The following MYLK variants were observed in gnomAD, a reference collection of about 807,000 sequenced individuals.
MYLK encodes myosin light chain kinase, smooth muscle.
MYLK carries 106 observed loss-of-function variants against 203.4 expected under a neutral mutation model. The observed-to-expected ratio is 0.52, with a 90% CI of 0.45 to 0.61. The LOEUF (loss-of-function observed/expected upper bound fraction) is 0.61, where lower values mean the gene tolerates loss of function less well. Among genes scored for constraint, MYLK ranks in the 20% least tolerant of loss-of-function variants. The pLI is 0.00. For synonymous variants in MYLK, 867 were observed against 959.5 expected, an observed-to-expected ratio of 0.90 and a Z score of 1.78; for missense variants, 2,072 against 2,442.3, an observed-to-expected ratio of 0.85 and a Z score of 3.20.
chr3:123,646,806 C>T (rs1330808349), intron 27 of MYLK, among the ~76,000 whole-genome samples: 1 of 152,206 alleles, frequency 6.6e-6, no homozygotes, highest in African/African-American at 2.4e-5. Flanking sequence ...AAGCCCCCAG[C>T]CAGGGGCCCC....
At chr3:123,729,308 T>C (rs1560140602) in intron 11 of MYLK, among the ~76,000 whole-genome samples, 1 of 152,168 alleles carries the variant, frequency 6.6e-6, no homozygotes, top group Non-Finnish European at 1.5e-5. Context: ...ATCAATTAGG[T>C]GATCACTAAA....
intron 20 of MYLK, among the ~76,000 whole-genome samples, chr3:123,669,919 C>T (rs2059858105): frequency 6.6e-6 from 1 of 150,986 alleles, no homozygotes; most frequent in African/African-American, 2.4e-5. Context: ...CCTGTAATCC[C>T]AGCTACTCAG....
rs145624491 is a variant in MYLK at position 123,779,656 on chromosome 3, G to A, written c.165+14021C>T. On this transcript the variant is annotated intron_variant, in intron 4 of 33. Coordinates refer to ENST00000360304, the MANE Select transcript of MYLK (RefSeq NM_053025.4). ...TAGAGGAGTTGCTCAGGGACTCAGC[G>A]TGCCACCACATGAGAGAAGAACAAG... 1.0e-3 allele frequency among the ~76,000 whole-genome samples: 157 copies of A among 152,304 alleles called. 1 individual carries two copies. Among genetic ancestry groups the A allele is most frequent in the African/African-American group, 3.6e-3 (150 of 41,546 alleles).
intron 3 of MYLK, among the ~76,000 whole-genome samples, chr3:123,794,197 A>G (rs1412738519): frequency 6.6e-6 from 1 of 152,234 alleles, no homozygotes; most frequent in Non-Finnish European, 1.5e-5. Context: ...AGATATCTAT[A>G]ATCTGTATTT....
chr3:123,770,008 T>C (rs748926598), intron 4 of MYLK, among the ~76,000 whole-genome samples: 1 of 152,134 alleles, frequency 6.6e-6, no homozygotes, highest in Non-Finnish European at 1.5e-5. Flanking sequence ...ATAGAATCAA[T>C]GTTCTAAAAG....
intron 16 of MYLK, among the ~76,000 whole-genome samples, chr3:123,704,115 G>C (rs1335239964): frequency 6.6e-6 from 1 of 152,246 alleles, no homozygotes; most frequent in Non-Finnish European, 1.5e-5. Flanking sequence ...GCCTTACCCT[G>C]TGGCCCCCAG....
chr3:123,736,587 A>C (rs2062679609), intron 8 of MYLK, among the ~76,000 whole-genome samples: 1 of 152,146 alleles, frequency 6.6e-6, no homozygotes, highest in African/African-American at 2.4e-5. Context: ...TGACGACTCA[A>C]GGAGAAAGAG....
rs1166571755 is a variant in MYLK, at chr3:123,610,940, ACAAT to A, written c.*3161_*3164del. On this transcript the variant is annotated 3_prime_UTR_variant, in exon 34 of 34. Coordinates refer to ENST00000360304, the MANE Select transcript of MYLK (RefSeq NM_053025.4). ...TTTAATAAGATATGCAATGCAAGGA[ACAAT>A]CAATGGATTATTTTTTATATGTTTG... is the stretch of plus-strand genomic sequence containing the variant. 6.6e-6 allele frequency: 1 copy of A among 152,256 alleles called. No homozygotes were observed. Among genetic ancestry groups the A allele is most frequent in the African/African-American group, 2.4e-5 (1 of 41,476 alleles). 9.4% of individuals were successfully genotyped at this position (152,256 alleles called of 1,614,324 possible).
At chr3:123,802,487 C>T (rs2065229914) in intron 3 of MYLK, among the ~76,000 whole-genome samples, 1 of 152,380 alleles carries the variant, frequency 6.6e-6, no homozygotes, top group Middle Eastern at 3.4e-3. Flanking sequence ...AGCAGCAGAC[C>T]ACGGGTGGGA....
intron 20 of MYLK, among the ~76,000 whole-genome samples, chr3:123,680,344 C>T (rs943902769): frequency 6.6e-6 from 1 of 152,188 alleles, no homozygotes; most frequent in Non-Finnish European, 1.5e-5. Flanking sequence ...AATACCTGCC[C>T]TGTAGCTTCT....
Position 123,735,337 on chromosome 3 carries a change from G to A in MYLK, c.773+61C>T, listed in dbSNP as rs1434157307. On this transcript the variant is annotated intron_variant, in intron 9 of 33. Transcript: ENST00000360304. ...ATTCAGAAATTCAGGGCATTTCTCG[G>A]TAACATCCTTGCAGGGCATTTCAAG... 5 of 1,602,328 alleles carry A rather than the reference G, an allele frequency of 3.1e-6. No individual in the cohort carries two copies. In the South Asian group the frequency reaches 3.3e-5, roughly 11 times the overall value.
rs532791474 is a variant in MYLK at position 123,875,605 on chromosome 3, A to T, written c.-127+954T>A. On this transcript the variant is annotated intron_variant, in intron 2 of 33. Coordinates refer to ENST00000360304, the MANE Select transcript of MYLK (RefSeq NM_053025.4). ...TGAACTTCCTCATAATTATGTATTA[A>T]TTGTTCAGAATTGTACATTAAAACA... Among the ~76,000 whole-genome samples, 148 of 152,310 alleles carry T rather than the reference A, an allele frequency of 9.7e-4. 3 individuals carry two copies. Among genetic ancestry groups the T allele is most frequent in the African/African-American group, 3.4e-3 (142 of 41,566 alleles).
chr3:123,870,334 T>C (rs1218048637), intron 2 of MYLK, among the ~76,000 whole-genome samples: 1 of 152,204 alleles, frequency 6.6e-6, no homozygotes, highest in East Asian at 1.9e-4. Context: ...CCAACCTCCG[T>C]TTCTTCTAGG....
At chr3:123,789,126 C>T (rs533913502) in intron 4 of MYLK, among the ~76,000 whole-genome samples, 2 of 152,154 alleles carry the variant, frequency 1.3e-5, no homozygotes, top group Non-Finnish European at 2.9e-5. Context: ...CCCTGGCATT[C>T]GTGGAGCCCT....
chr3:123,877,591 AG>A (rs1447970064), intron 1 of MYLK, among the ~76,000 whole-genome samples: 3 of 152,246 alleles, frequency 2.0e-5, no homozygotes, highest in African/African-American at 7.2e-5. Context: ...GGGTAACATC[AG>A]TAGCAACTGC....
At chr3:123,824,038 C>G (rs1175401537) in intron 3 of MYLK, among the ~76,000 whole-genome samples, 1 of 152,076 alleles carries the variant, frequency 6.6e-6, no homozygotes, top group African/African-American at 2.4e-5. Context: ...ATATAAAATA[C>G]CCCTCTACCC....
At chr3:123,747,751 A>C (rs2063065909) in intron 5 of MYLK, among the ~76,000 whole-genome samples, 1 of 152,150 alleles carries the variant, frequency 6.6e-6, no homozygotes, top group Non-Finnish European at 1.5e-5. Context: ...GATCCATCTG[A>C]GGTCTGGATC....
chr3:123,826,790 A>G (rs2066136904), intron 3 of MYLK, among the ~76,000 whole-genome samples: 1 of 152,248 alleles, frequency 6.6e-6, no homozygotes, highest in South Asian at 2.1e-4. Flanking sequence ...TAGGTCACTG[A>G]GAAATCACAA....
intron 19 of MYLK, 189 bp downstream of exon 19, chr3:123,692,546 C>G (rs74868537): frequency 1.3e-6 from 1 of 773,468 alleles, no homozygotes. Context: ...TCAAGTAGAG[C>G]TGCCACTTTC....
Sources: gnomAD v4.1 joint callset for allele counts (sites outside exome capture counted in the v4.1 genomes callset) on GRCh38, gnomAD v4.1.1 for gene constraint, MANE v1.5 for transcripts, NCBI Gene and HGNC (gene_info 2026-07-23, HGNC 2026-07-21) for gene names.